ZNF184: variants seen among roughly 807,000 people sequenced by gnomAD.
The protein encoded by ZNF184 is zinc finger protein 184.
A neutral mutation model predicts 54.4 loss-of-function variants in ZNF184; 16 were observed. The observed-to-expected ratio is 0.29, with a 90% CI of 0.20 to 0.45. ZNF184 has a LOEUF of 0.45. Ranked by LOEUF, ZNF184 falls within the 20% of genes least tolerant of loss-of-function variation. ZNF184 has a pLI of 1.00. For synonymous variants in ZNF184, 254 were observed against 295.3 expected (o/e 0.86, Z 1.43); for missense variants, 681 against 888.2 (o/e 0.77, Z 2.97).
At position 27,472,595 on chromosome 6, in the gene ZNF184, G is replaced by A. The variant is rs896139847; in HGVS notation, c.-140+134C>T. 8.8e-5 allele frequency: 34 copies of A among 384,796 alleles called. No homozygotes were observed. Among genetic ancestry groups the A allele is most frequent in the African/African-American group, 6.5e-4 (32 of 49,088 alleles). 23.8% of individuals were successfully genotyped at this position (384,796 alleles called of 1,614,324 possible). On this transcript the variant is annotated intron_variant, in intron 1 of 5. Coordinates refer to ENST00000683788, the MANE Select transcript of ZNF184 (RefSeq NM_001318891.2). This position sits in a 1 kb window ranked among gnomAD's most constrained non-coding sequence, Gnocchi z 4.8. ...AAACAGAGTGGAGATCGGGTACGCG[G>A]GTTCTGCTTCAGATCCAAAAAACCC...
At chr6:27,441,294 C>A in the ZNF184 span, among the ~76,000 whole-genome samples, 2 of 152,194 alleles carry the variant, frequency 1.3e-5, no homozygotes, top group Non-Finnish European at 1.5e-5. Flanking sequence ...CAGCTGACTG[C>A]AACCTCCACC....
the ZNF184 span, among the ~76,000 whole-genome samples, chr6:27,423,237 G>A: frequency 6.6e-6 from 1 of 152,164 alleles, no homozygotes; most frequent in Non-Finnish European, 1.5e-5. Context: ...TGAGGTCATC[G>A]GCTTTCACCC....
At position 27,472,320 on chromosome 6, in the gene ZNF184, G is replaced by C. The variant is rs1581593101; in HGVS notation, c.-26C>G. 1 of 1,613,930 alleles carries C rather than the reference G, an allele frequency of 6.2e-7. No individual in the cohort carries two copies. The highest frequency in any genetic ancestry group is 1.7e-5 in the Admixed American group (1 of 59,994). ...CTCAGGAGCTCATCCCGTTCCTCTG[G>C]AACTTGAACACCAGGGTTCGCCAGG... On this transcript the variant is annotated 5_prime_UTR_variant, in exon 2 of 6. Coordinates refer to ENST00000683788, the MANE Select transcript of ZNF184 (RefSeq NM_001318891.2). The surrounding 1 kb of genome is among the most constrained non-coding windows in gnomAD (Gnocchi z 4.8).
chr6:27,452,663 A>C lies in ZNF184; in HGVS notation c.896T>G (p.Ile299Ser). The C allele has an allele frequency of 1.2e-6, 2 of 1,613,818 alleles. No homozygotes were observed. Among genetic ancestry groups the C allele is most frequent in the Non-Finnish European group, 1.7e-6 (2 of 1,179,968 alleles). ...TTTATATGGTTTTTCTCCAGTATGAATTCTTTGATGTTGAGTAAGAGATGG... is the reference window on the plus strand; with the variant it reads ...TTTATATGGTTTTTCTCCAGTATGACTTCTTTGATGTTGAGTAAGAGATGG... ...EGPSLTQHQR[I>S]HTGEKPYKCD... Residue 299 changes from isoleucine to serine, a missense_variant, in exon 6 of 6, where the codon ATT becomes AGT. Physicochemically the swap from Ile to Ser is moderately radical, Grantham distance 142. Transcript: ENST00000683788. The surrounding 1 kb of genome is among the most constrained non-coding windows in gnomAD (Gnocchi z 5.5).
the ZNF184 span, among the ~76,000 whole-genome samples, chr6:27,412,728 G>C: frequency 1.3e-5 from 2 of 152,152 alleles, no homozygotes; most frequent in Non-Finnish European, 2.9e-5. Context: ...ATACATGAAA[G>C]ATGTACATTG....
the ZNF184 span, among the ~76,000 whole-genome samples, chr6:27,441,975 A>T: frequency 2.6e-5 from 4 of 152,244 alleles, no homozygotes; most frequent in African/African-American, 9.6e-5. Flanking sequence ...AGCCTAAAAA[A>T]TGTGAAATTA....
chr6:27,459,219 A>G (rs1483228998), intron 3 of ZNF184, among the ~76,000 whole-genome samples: 1 of 152,236 alleles, frequency 6.6e-6, no homozygotes. Context: ...ACAAGAAAGT[A>G]GAAGAGAGGA....
At chr6:27,423,723 A>G in the ZNF184 span, among the ~76,000 whole-genome samples, 1 of 152,202 alleles carries the variant, frequency 6.6e-6, no homozygotes, top group Non-Finnish European at 1.5e-5. Context: ...AGATATTTAT[A>G]TATCTATATA....
downstream of ZNF184, among the ~76,000 whole-genome samples, chr6:27,449,731 A>T (rs1762678259): frequency 6.6e-6 from 1 of 152,172 alleles, no homozygotes. Flanking sequence ...AGCCTGGGTG[A>T]CAGAGCAAGA....
the ZNF184 span, among the ~76,000 whole-genome samples, chr6:27,422,850 A>T: frequency 2.0e-5 from 3 of 152,148 alleles, no homozygotes; most frequent in Non-Finnish European, 4.4e-5. Flanking sequence ...ACACACAGGA[A>T]CTTTCGTATA....
rs759834697 is a variant in ZNF184, at chr6:27,452,848, A to G, written c.711T>C (p.Leu237=). 3 of 1,614,042 alleles carry G rather than the reference A, an allele frequency of 1.9e-6. No homozygotes were observed. In the South Asian group the frequency reaches 3.3e-5, roughly 18 times the overall value. The change falls in exon 6 of 6, where the codon CTT becomes CTC. Residue 237 remains leucine (L), a synonymous_variant. Transcript: ENST00000683788. This position sits in a 1 kb window ranked among gnomAD's most constrained non-coding sequence, Gnocchi z 5.5. ...CAGTATGTGTTCTCTGATGGCGAATAAGAGCTGAACAATAACTAAAGGCTT... is the reference window on the plus strand; with the variant it reads ...CAGTATGTGTTCTCTGATGGCGAATGAGAGCTGAACAATAACTAAAGGCTT... The part of the protein sequence containing the change: ...CGKAFSYCSA[L]IRHQRTHTGE...
At chr6:27,461,500 T>G (rs1478319732) in intron 3 of ZNF184, among the ~76,000 whole-genome samples, 1 of 152,144 alleles carries the variant, frequency 6.6e-6, no homozygotes, top group Non-Finnish European at 1.5e-5. Flanking sequence ...GCTTACAGTT[T>G]AAAATACAAA....
At chr6:27,467,700 G>A (rs924398967) in intron 3 of ZNF184, among the ~76,000 whole-genome samples, 153 bp downstream of exon 3, 1 of 152,204 alleles carries the variant, frequency 6.6e-6, no homozygotes, top group African/African-American at 2.4e-5. Context: ...TAAAGCTGGA[G>A]AGGCACAGCT....
chr6:27,417,338 T>A, the ZNF184 span, among the ~76,000 whole-genome samples: 1 of 152,180 alleles, frequency 6.6e-6, no homozygotes, highest in African/African-American at 2.4e-5. Context: ...TATTTCAGCC[T>A]AATTTTTCAT....
At chr6:27,418,590 A>G in the ZNF184 span, among the ~76,000 whole-genome samples, 1 of 152,148 alleles carries the variant, frequency 6.6e-6, no homozygotes. Flanking sequence ...ATTTCATTGT[A>G]ATTTTAACTT....
chr6:27,431,976 C>T, the ZNF184 span, among the ~76,000 whole-genome samples: 1 of 152,086 alleles, frequency 6.6e-6, no homozygotes, highest in African/African-American at 2.4e-5. Context: ...CAAACTAGTC[C>T]GAAAATGTAT....
At chr6:27,457,041 T>C (rs1051695481) in intron 4 of ZNF184, 120 bp from the exon 5 acceptor site, 2 of 989,780 alleles carry the variant, frequency 2.0e-6, no homozygotes, top group Admixed American at 4.8e-5. Flanking sequence ...TGGGAGTGGA[T>C]AGCATATCAA....
chr6:27,406,135 G>C, the ZNF184 span: 1 of 152,118 alleles, frequency 6.6e-6, no homozygotes, highest in African/African-American at 2.4e-5. Context: ...GTCCATTGTC[G>C]CCCTCCCATG....
In ZNF184 at chr6:27,452,383, A is replaced by G. The variant is rs768485849; in HGVS notation, c.1176T>C (p.Cys392=). ...KIHTGEKTYK[C]NECGKAFNGP... ...CGTTGAAGGCCTTTCCACATTCATT[A>G]CATTTATAGGTTTTTTCTCCAGTAT... Residue 392 remains cysteine (C), a synonymous_variant, in exon 6 of 6, where the codon TGT becomes TGC. Coordinates refer to ENST00000683788, the MANE Select transcript of ZNF184 (RefSeq NM_001318891.2). This position sits in a 1 kb window ranked among gnomAD's most constrained non-coding sequence, Gnocchi z 5.5. 6.2e-7 allele frequency: 1 copy of G among 1,614,062 alleles called. No homozygotes were observed. The highest frequency in any genetic ancestry group is 8.5e-7 in the Non-Finnish European group (1 of 1,179,998).
Sources: allele counts gnomAD v4.1 joint callset (sites outside exome capture counted in the v4.1 genomes callset), GRCh38; gene constraint gnomAD v4.1.1; non-coding constraint Gnocchi (gnomAD v3.1); transcripts MANE v1.5; gene names NCBI Gene and HGNC (gene_info 2026-07-23, HGNC 2026-07-21).